The following VASH2 variants were observed in gnomAD, a reference collection of about 807,000 sequenced individuals.
VASH2 encodes the protein tubulinyl-Tyr carboxypeptidase 2.
A neutral mutation model predicts 37.2 loss-of-function variants in VASH2; 28 were observed. The ratio of observed to expected loss-of-function variants is 0.75; its 90% CI spans 0.56 to 1.03. The LOEUF is 1.03. Among genes scored for constraint, VASH2 ranks in the 50% least tolerant of loss-of-function variants. The pLI is 0.00. For synonymous variants in VASH2, 188 were observed against 174.7 expected, an observed-to-expected ratio of 1.08 and a Z score of -0.60; for missense variants, 419 against 459.1, an observed-to-expected ratio of 0.91 and a Z score of 0.80.
Position 212,964,001 on chromosome 1 carries a change from G to C in VASH2, c.366-1721G>C, listed in dbSNP as rs527585449. ...TTTTACCTCTAGGATCTTGTATGTTGTATGTTTTAAAAACTGGGCAAGACT... is the reference window on the plus strand; with the variant it reads ...TTTTACCTCTAGGATCTTGTATGTTCTATGTTTTAAAAACTGGGCAAGACT... On this transcript the variant is annotated intron_variant, in intron 3 of 7. Coordinates refer to ENST00000517399, the MANE Select transcript of VASH2 (RefSeq NM_001301056.2). Among the ~76,000 whole-genome samples, 3 of 152,216 alleles carry C rather than the reference G, an allele frequency of 2.0e-5. No homozygotes were observed. In the South Asian group the frequency reaches 6.2e-4, roughly 32 times the overall value.
At chr1:212,968,477 G>A in intron 5 of VASH2, 2 of 985,476 alleles carry the variant, frequency 2.0e-6, no homozygotes, top group Non-Finnish European at 1.2e-6. Context: ...GAGAATCTCT[G>A]TGCCTCTCTG....
intron 2 of VASH2, among the ~76,000 whole-genome samples, chr1:212,956,382 C>G (rs1183683785): frequency 6.6e-6 from 1 of 152,180 alleles, no homozygotes; most frequent in East Asian, 1.9e-4. Context: ...AGGCACAGTG[C>G]CTGTGTGAAG....
At chr1:212,973,104 A>G (rs2102645747) in intron 6 of VASH2, 143 bp downstream of exon 6, 1 of 1,071,054 alleles carries the variant, frequency 9.3e-7, no homozygotes, top group Non-Finnish European at 1.3e-6. Context: ...TACTACTGCA[A>G]AGAAAGCCAT....
chr1:212,988,692 T>C lies in VASH2; in HGVS notation c.*108T>C. The C allele has an allele frequency of 8.5e-7, 1 of 1,172,894 alleles. No homozygotes were observed. The highest frequency in any genetic ancestry group is 2.6e-5 in the East Asian group (1 of 39,148). 72.7% of individuals were successfully genotyped at this position (1,172,894 alleles called of 1,614,324 possible). A position where few individuals can be genotyped will look rare whatever the true frequency, so the allele number is the denominator to read the frequency against. The stretch of plus-strand genomic sequence containing the variant: ...ATTTATTAAGAACTTGTGAATTTTA[T>C]TTTTAAGGATTCACCTGGAAATAGA... On this transcript the variant is annotated 3_prime_UTR_variant, in exon 8 of 8. Transcript: ENST00000517399.
chr1:212,988,020 GA>G (rs1667533168), intron 7 of VASH2, among the ~76,000 whole-genome samples: 1 of 152,178 alleles, frequency 6.6e-6, no homozygotes, highest in Non-Finnish European at 1.5e-5. Context: ...TGAATCCTAA[GA>G]TTCACCTTGA....
At chr1:212,984,652 G>T (rs1667427267) in intron 7 of VASH2, among the ~76,000 whole-genome samples, 1 of 152,206 alleles carries the variant, frequency 6.6e-6, no homozygotes, top group African/African-American at 2.4e-5. Context: ...GGCCAGGAAG[G>T]CAACATATGT....
intron 2 of VASH2, 101 bp from the exon 3 acceptor site, chr1:212,961,065 G>C: frequency 8.8e-7 from 1 of 1,135,186 alleles, no homozygotes; most frequent in Non-Finnish European, 1.3e-6. Flanking sequence ...GCTCTCAGGA[G>C]CACCTCTCTC....
rs77728512 is a variant in VASH2, at chr1:212,981,010, G to T, written c.995+6940G>T. Among the ~76,000 whole-genome samples the T allele has an allele frequency of 1.2e-4, 19 of 152,330 alleles. No homozygotes were observed. In the East Asian group the frequency reaches 3.3e-3, roughly 26 times the overall value. ...ATCAGAAAAGACCACCTCAGGCAGA[G>T]TGAGCCAGGAGCCTCTGTGAGCTCC... On this transcript the variant is annotated intron_variant, in intron 7 of 7. Coordinates refer to ENST00000517399, the MANE Select transcript of VASH2 (RefSeq NM_001301056.2).
At chr1:212,967,248 C>T in intron 5 of VASH2, 1 of 1,295,678 alleles carries the variant, frequency 7.7e-7, no homozygotes, top group African/African-American at 1.5e-5. Context: ...GTGGTGATGA[C>T]CACCTCCCTT....
rs1666998967 is a variant in VASH2, at chr1:212,971,075, G to C, written c.498-1505G>C. Among the ~76,000 whole-genome samples, 1 of 151,984 alleles carries C rather than the reference G, an allele frequency of 6.6e-6. No homozygotes were observed. Among genetic ancestry groups the C allele is most frequent in the Admixed American group, 6.6e-5 (1 of 15,246 alleles). ...ATACCATATTTGTCCTTTTGTATTA[G>C]GCTGATTTCACTCAGCATGTCTTCA... On this transcript the variant is annotated intron_variant, in intron 5 of 7. Transcript: ENST00000517399. This position sits in a 1 kb window ranked among gnomAD's most constrained non-coding sequence, Gnocchi z 4.0.
At chr1:212,956,760 A>G (rs1666509192) in intron 2 of VASH2, among the ~76,000 whole-genome samples, 1 of 152,160 alleles carries the variant, frequency 6.6e-6, no homozygotes, top group Admixed American at 6.5e-5. Context: ...TGCATTTCTT[A>G]TATTATTAGA....
At position 212,974,056 on chromosome 1, in the gene VASH2, C is replaced by A; in HGVS notation, c.981C>A (p.Gly327=). Residue 327 remains glycine (G), a synonymous_variant, in exon 7 of 8, where the codon GGC becomes GGA. Coordinates refer to ENST00000517399, the MANE Select transcript of VASH2 (RefSeq NM_001301056.2). ...RRQASPPRRL[G]RREKSPALPE... is the part of the protein sequence containing the mutation. ...AGGCAAGCCCCCCGAGGAGGCTCGG[C>A]CGGCGAGAGAAGTCGTGAGTAATAT... 1 of 1,612,752 alleles carries A rather than the reference C, an allele frequency of 6.2e-7. No homozygotes were observed.
chr1:212,977,317 G>A (rs972014029), intron 7 of VASH2, among the ~76,000 whole-genome samples: 4 of 152,144 alleles, frequency 2.6e-5, no homozygotes, highest in African/African-American at 7.2e-5. Flanking sequence ...AAGGGGACGG[G>A]GGACTTAGAG....
At position 212,972,892 on chromosome 1, in the gene VASH2, C is replaced by A; in HGVS notation, c.810C>A (p.Asn270Lys). 1.2e-6 allele frequency: 2 copies of A among 1,614,088 alleles called. No individual in the cohort carries two copies. Among genetic ancestry groups the A allele is most frequent in the Middle Eastern group, 1.6e-4 (1 of 6,062 alleles). Residue 270 changes from asparagine (N) to lysine (K), a missense_variant, in exon 6 of 8, where the codon AAC becomes AAA. Physicochemically the swap from Asn to Lys is moderately conservative, Grantham distance 94. Around this residue, in one of 3 missense-constraint regions of VASH2, gnomAD observed 177 missense variants for 166.2 expected, o/e 1.06. Coordinates refer to ENST00000517399, the MANE Select transcript of VASH2 (RefSeq NM_001301056.2). ...TTGAGTGGAAGCAGCTGGTCCTCAA[C>A]GTCTCAAAGATGCTGAGGGCTGACA... The part of the protein sequence containing the change: ...QPIEWKQLVL[N>K]VSKMLRADIR...
Position 212,958,691 on chromosome 1 carries a change from CTG to C in VASH2, c.277-2472_277-2471del, listed in dbSNP as rs374936281. Among the ~76,000 whole-genome samples the C allele has an allele frequency of 1.7e-4, 26 of 152,226 alleles. 1 individual carries two copies. The South Asian group carries it at 5.0e-3, about 29-fold the overall frequency. ...AGCTTTTCTATTAAAGAGGTTCAGA[CTG>C]TGCTTTTCTGTGCAGAAATGTTTAT... is the stretch of plus-strand genomic sequence containing the variant. On this transcript the variant is annotated intron_variant, in intron 2 of 7. Transcript: ENST00000517399.
chr1:212,970,059 G>T (rs1015698344), intron 5 of VASH2, among the ~76,000 whole-genome samples: 21 of 152,196 alleles, frequency 1.4e-4, no homozygotes, highest in Non-Finnish European at 2.6e-4. Context: ...TGGCCATGGT[G>T]GGGCTTGCTT....
At chr1:212,959,975 G>T (rs955188327) in intron 2 of VASH2, among the ~76,000 whole-genome samples, 1 of 152,216 alleles carries the variant, frequency 6.6e-6, no homozygotes, top group Non-Finnish European at 1.5e-5. Context: ...CACGTGGGCT[G>T]AGATTCTCTG....
chr1:212,971,304 A>G lies in VASH2; in HGVS notation c.498-1276A>G, dbSNP rs1667005060. On this transcript the variant is annotated intron_variant, in intron 5 of 7. Coordinates refer to ENST00000517399, the MANE Select transcript of VASH2 (RefSeq NM_001301056.2). This position sits in a 1 kb window ranked among gnomAD's most constrained non-coding sequence, Gnocchi z 4.0. ...GTCGCTGCTTTCAATTCTTTTGGGT[A>G]TGCACCCAGAAGTGGAATTGCCAGG... 6.6e-6 allele frequency among the ~76,000 whole-genome samples: 1 copy of G among 152,138 alleles called. No individual in the cohort carries two copies. Among genetic ancestry groups the G allele is most frequent in the Admixed American group, 6.5e-5 (1 of 15,268 alleles).
intron 7 of VASH2, among the ~76,000 whole-genome samples, chr1:212,979,752 C>T (rs1572079297): frequency 6.6e-6 from 1 of 152,206 alleles, no homozygotes; most frequent in African/African-American, 2.4e-5. Flanking sequence ...CCCACCCTTC[C>T]ACCCACGGGT....
Sources: allele counts gnomAD v4.1 joint callset (sites outside exome capture counted in the v4.1 genomes callset), GRCh38; gene constraint gnomAD v4.1.1; regional missense constraint gnomAD v4.1.1; non-coding constraint Gnocchi (gnomAD v3.1); transcripts MANE v1.5; gene names NCBI Gene and HGNC (gene_info 2026-07-23, HGNC 2026-07-21).